SLC30A9: variants seen among roughly 807,000 people sequenced by gnomAD.
The protein encoded by SLC30A9 is proton-coupled zinc antiporter SLC30A9, mitochondrial.
A neutral mutation model predicts 87.5 loss-of-function variants in SLC30A9; 58 were observed. The ratio of observed to expected loss-of-function variants is 0.66; its 90% CI spans 0.54 to 0.82. SLC30A9 has a LOEUF of 0.82. Ranked by LOEUF, SLC30A9 falls within the 40% of genes least tolerant of loss-of-function variation. The pLI, the probability that SLC30A9 is intolerant of heterozygous loss-of-function variation, is 0.00. For synonymous variants in SLC30A9, 234 were observed against 233.0 expected (o/e 1.00, Z -0.04); for missense variants, 557 against 679.1 (o/e 0.82, Z 2.00).
chr4:42,015,472 A>C (rs1221078803), intron 2 of SLC30A9, among the ~76,000 whole-genome samples: 1 of 152,184 alleles, frequency 6.6e-6, no homozygotes, highest in Non-Finnish European at 1.5e-5. Flanking sequence ...AGTCAGACTT[A>C]GTGGTGTTCC....
intron 17 of SLC30A9, among the ~76,000 whole-genome samples, chr4:42,082,239 TA>T (rs71664389): frequency 0.6 from 89,956 of 150,666 alleles, 32,410 homozygotes; most frequent in East Asian, 0.95. Flanking sequence ...AATAAATAAA[TA>T]AAATAAAATA....
rs1180421350 is a variant in SLC30A9 at position 42,021,917 on chromosome 4, A to ATT, written c.435-893_435-892dup. On this transcript the variant is annotated intron_variant, in intron 4 of 17. Transcript: ENST00000264451. Reference sequence around the variant, plus strand: ...GGCTGTGCGCCACCACGCCTGGCTAATTTTTTTTTTTTTTTTTTTTTTTTT... The same window carrying ATT: ...GGCTGTGCGCCACCACGCCTGGCTAATTTTTTTTTTTTTTTTTTTTTTTTTTT... Among the ~76,000 whole-genome samples, 237 of 39,946 alleles carry ATT rather than the reference A, an allele frequency of 5.9e-3. 47 individuals are homozygous for ATT. The highest frequency in any genetic ancestry group is 8.9e-3 in the African/African-American group (138 of 15,482). 26.2% of individuals were successfully genotyped at this position (39,946 alleles called of 152,430 possible).
intron 7 of SLC30A9, among the ~76,000 whole-genome samples, chr4:42,036,638 C>A (rs1716685376): frequency 6.6e-6 from 1 of 152,168 alleles, no homozygotes; most frequent in Non-Finnish European, 1.5e-5. Flanking sequence ...GACATTGCAC[C>A]CATTTTGCAA....
rs911657776 is a variant in SLC30A9 at position 42,087,607 on chromosome 4, T to C, written c.*1481T>C. The C allele has an allele frequency of 1.3e-5, 2 of 151,680 alleles. No individual in the cohort carries two copies. Among genetic ancestry groups the C allele is most frequent in the African/African-American group, 2.4e-5 (1 of 41,342 alleles). 9.4% of individuals were successfully genotyped at this position (151,680 alleles called of 1,614,324 possible). A position where few individuals can be genotyped will look rare whatever the true frequency, so the allele number is the denominator to read the frequency against. ...TTGGTGTATTTTTCTTTTTTTTTTTTTTACTATTACAGAGTATTTTGCATG... is the reference window on the plus strand; with the variant it reads ...TTGGTGTATTTTTCTTTTTTTTTTTCTTACTATTACAGAGTATTTTGCATG... On this transcript the variant is annotated 3_prime_UTR_variant, in exon 18 of 18. Transcript: ENST00000264451.
intron 3 of SLC30A9, among the ~76,000 whole-genome samples, chr4:42,019,865 C>CT (rs763535723): frequency 2.6e-5 from 4 of 152,032 alleles, no homozygotes; most frequent in African/African-American, 4.8e-5. Flanking sequence ...CATGATCTGG[C>CT]TCACTGCAAC....
intron 1 of SLC30A9, among the ~76,000 whole-genome samples, chr4:41,997,918 A>G (rs370967640): frequency 6.6e-5 from 10 of 152,374 alleles, no homozygotes; most frequent in Admixed American, 3.9e-4. Flanking sequence ...ACAGGCTGCA[A>G]GCTTGACTCT....
At chr4:42,072,282 A>G (rs557905261) in intron 15 of SLC30A9, among the ~76,000 whole-genome samples, 45 of 151,530 alleles carry the variant, frequency 3.0e-4, no homozygotes, top group Non-Finnish European at 4.6e-4. Flanking sequence ...TTCTCCTTTA[A>G]TCTTTATTAT....
intron 11 of SLC30A9, 130 bp downstream of exon 11, chr4:42,063,251 T>G: frequency 1.4e-6 from 1 of 730,532 alleles, no homozygotes; most frequent in Non-Finnish European, 2.1e-6. Context: ...TGTAGGGTTA[T>G]ATATCTATAG....
chr4:42,022,258 TG>T (rs1715997174), intron 4 of SLC30A9, among the ~76,000 whole-genome samples: 5 of 149,554 alleles, frequency 3.3e-5, no homozygotes, highest in East Asian at 2.0e-4. Flanking sequence ...TTTTTTTTTT[TG>T]CTTTATCTCC....
chr4:42,003,553 T>C (rs370718213), intron 2 of SLC30A9, among the ~76,000 whole-genome samples: 2 of 152,132 alleles, frequency 1.3e-5, no homozygotes, highest in Non-Finnish European at 2.9e-5. Context: ...CAGCTACTGT[T>C]TTTCTTTAGT....
chr4:42,009,332 A>G (rs939068710), intron 2 of SLC30A9, among the ~76,000 whole-genome samples: 1 of 152,234 alleles, frequency 6.6e-6, no homozygotes, highest in Non-Finnish European at 1.5e-5. Context: ...GATAATTTGT[A>G]TATTTAAAGA....
intron 6 of SLC30A9, among the ~76,000 whole-genome samples, chr4:42,031,986 T>C (rs556035586): frequency 1.1e-4 from 16 of 152,278 alleles, no homozygotes; most frequent in Non-Finnish European, 1.9e-4. Context: ...GCAGGCTGTA[T>C]AGAAAGCATA....
At chr4:42,033,989 A>G (rs1425954915) in intron 6 of SLC30A9, among the ~76,000 whole-genome samples, 2 of 150,952 alleles carry the variant, frequency 1.3e-5, no homozygotes, top group East Asian at 2.0e-4. Flanking sequence ...AATGTATTCA[A>G]TCATTCCCCC....
intron 9 of SLC30A9, among the ~76,000 whole-genome samples, chr4:42,058,873 T>C (rs4410562): frequency 0.66 from 100,057 of 152,044 alleles, 37,103 homozygotes; most frequent in East Asian, 0.96. Context: ...GGGGACACAG[T>C]CAAACCATAT....
At chr4:42,059,825 C>G (rs928682806) in intron 9 of SLC30A9, among the ~76,000 whole-genome samples, 63 of 152,212 alleles carry the variant, frequency 4.1e-4, no homozygotes, top group African/African-American at 1.4e-3. Flanking sequence ...TTCTCTTCTT[C>G]CACTTAATGG....
chr4:42,021,266 A>G (rs1451177248), intron 4 of SLC30A9, among the ~76,000 whole-genome samples: 3 of 152,248 alleles, frequency 2.0e-5, no homozygotes, highest in Admixed American at 1.3e-4. Context: ...TTAATAGACC[A>G]GGATGAGCAT....
At chr4:42,037,484 T>C (rs140489430) in intron 7 of SLC30A9, among the ~76,000 whole-genome samples, 1 of 152,146 alleles carries the variant, frequency 6.6e-6, no homozygotes, top group African/African-American at 2.4e-5. Flanking sequence ...CTTCAGAGAA[T>C]TGGAAGTACC....
chr4:42,001,556 C>A, intron 1 of SLC30A9, 60 bp from the exon 2 acceptor site: 3 of 1,084,076 alleles, frequency 2.8e-6, no homozygotes, highest in African/African-American at 1.6e-5. Flanking sequence ...GGTGGCTTGG[C>A]AATTAATTAT....
At chr4:42,085,651 A>G (rs1160452585) in intron 17 of SLC30A9, among the ~76,000 whole-genome samples, 1 of 152,178 alleles carries the variant, frequency 6.6e-6, no homozygotes, top group Non-Finnish European at 1.5e-5. Context: ...CTTATTTAAT[A>G]ATCATAGCTC....
Sources: gnomAD v4.1 joint callset for allele counts (sites outside exome capture counted in the v4.1 genomes callset) on GRCh38, gnomAD v4.1.1 for gene constraint, MANE v1.5 for transcripts, NCBI Gene and HGNC (gene_info 2026-07-23, HGNC 2026-07-21) for gene names.